CAST: variants seen among roughly 807,000 people sequenced by gnomAD.
CAST encodes MIR583 host.
Under a neutral mutation model 119.6 loss-of-function variants are expected in CAST, and 76 were observed. That is an observed-to-expected ratio of 0.64 (90% CI 0.53 to 0.77). The LOEUF is 0.77. Among genes scored for constraint, CAST ranks in the 30% least tolerant of loss-of-function variants. The pLI is 0.00. For missense variants in CAST, 953 were observed against 946.5 expected, an observed-to-expected ratio of 1.01 and a Z score of -0.09; for synonymous variants, 319 against 331.6, an observed-to-expected ratio of 0.96 and a Z score of 0.41.
the CAST span, chr5:96,397,439 T>C: frequency 6.2e-7 from 1 of 1,613,112 alleles, no homozygotes; most frequent in Non-Finnish European, 8.5e-7. Context: ...TGTATCCCGT[T>C]CTCTTTCAGC....
chr5:96,461,443 C>G, the CAST span, among the ~76,000 whole-genome samples: 1 of 152,048 alleles, frequency 6.6e-6, no homozygotes, highest in African/African-American at 2.4e-5. Flanking sequence ...GAACTGTTTC[C>G]ACAGCAGCTG....
intron 2 of CAST, among the ~76,000 whole-genome samples, chr5:96,682,486 A>G (rs1281747245): frequency 6.6e-6 from 1 of 152,046 alleles, no homozygotes; most frequent in African/African-American, 2.4e-5. Context: ...CTTGTTTCCT[A>G]TCAAGGATGT....
chr5:96,167,590 A>T, the CAST span, among the ~76,000 whole-genome samples: 3 of 152,162 alleles, frequency 2.0e-5, no homozygotes, highest in East Asian at 5.8e-4. Context: ...TTAAAAGACC[A>T]TTAGTTCACT....
chr5:96,429,243 A>T, the CAST span: 2 of 1,594,476 alleles, frequency 1.3e-6, no homozygotes, highest in Non-Finnish European at 1.7e-6. Context: ...TCTTAGTGAT[A>T]TGAAAGGCAC....
At chr5:96,139,470 G>T in the CAST span, among the ~76,000 whole-genome samples, 1 of 149,474 alleles carries the variant, frequency 6.7e-6, no homozygotes, top group Non-Finnish European at 1.5e-5. Context: ...GGGTAGTATA[G>T]CTTTCTCACA....
the CAST span, among the ~76,000 whole-genome samples, chr5:96,488,832 G>T: frequency 1.3e-5 from 2 of 152,138 alleles, no homozygotes; most frequent in African/African-American, 4.8e-5. Flanking sequence ...AATTAAAAAT[G>T]CTCATTTGGG....
chr5:96,260,601 G>A, the CAST span, among the ~76,000 whole-genome samples: 1 of 152,104 alleles, frequency 6.6e-6, no homozygotes, highest in Non-Finnish European at 1.5e-5. Context: ...CTTGTACAGT[G>A]CACAGACTGC....
At chr5:96,425,345 A>G in the CAST span, among the ~76,000 whole-genome samples, 2 of 152,220 alleles carry the variant, frequency 1.3e-5, no homozygotes, top group African/African-American at 2.4e-5. Context: ...GACATTTGCA[A>G]TAGACTTTTC....
chr5:96,381,925 A>G, the CAST span, among the ~76,000 whole-genome samples: 3 of 152,212 alleles, frequency 2.0e-5, no homozygotes, highest in African/African-American at 7.2e-5. Flanking sequence ...ACATAGAGTT[A>G]TATGGCATTC....
the CAST span, among the ~76,000 whole-genome samples, chr5:96,147,628 C>CAAAACA: frequency 6.6e-6 from 1 of 151,990 alleles, no homozygotes; most frequent in Non-Finnish European, 1.5e-5. Flanking sequence ...CAAAACAAAA[C>CAAAACA]AAAACAAAAA....
At chr5:96,319,907 A>T in the CAST span, among the ~76,000 whole-genome samples, 1 of 151,174 alleles carries the variant, frequency 6.6e-6, no homozygotes, top group Non-Finnish European at 1.5e-5. Flanking sequence ...AATTAATGAT[A>T]CCAGTGAGGA....
At chr5:96,435,169 TC>T in the CAST span, among the ~76,000 whole-genome samples, 74 of 152,334 alleles carry the variant, frequency 4.9e-4, no homozygotes, top group African/African-American at 1.6e-3. Context: ...GGTAGATGTG[TC>T]AGAGGAGGAA....
At chr5:96,199,813 A>G in the CAST span, among the ~76,000 whole-genome samples, 3 of 152,082 alleles carry the variant, frequency 2.0e-5, no homozygotes, top group East Asian at 5.8e-4. Context: ...ACCTTTCAAC[A>G]TATGTCAATA....
chr5:96,757,687 GT>G (rs369438033), intron 24 of CAST, 33 bp downstream of exon 24: 19,850 of 1,093,328 alleles, frequency 0.018, 63 homozygotes, highest in African/African-American at 0.058. Context: ...TATTTCTTTA[GT>G]TTTTTTTTTT....
chr5:96,701,902 A>G (rs1243441759), intron 3 of CAST, among the ~76,000 whole-genome samples: 4 of 152,176 alleles, frequency 2.6e-5, no homozygotes, highest in African/African-American at 9.7e-5. Flanking sequence ...TTTTTGACAG[A>G]AATAAAAGAC....
At position 96,762,361 on chromosome 5, in the gene CAST, C is replaced by T. The variant is rs1224971830; in HGVS notation, c.1921C>T (p.Arg641Cys). 1.3e-5 allele frequency: 21 copies of T among 1,594,984 alleles called. No homozygotes were observed. Among genetic ancestry groups the T allele is most frequent in the South Asian group, 1.1e-5 (1 of 87,874 alleles). ...ASTTQAGAPP[R>C]DTSQSDKDLD... ...AACGACCCAAGCTGGAGCCCCACCC[C>T]GTGATACCTCGGTAAGCAGCACATC... Residue 641 changes from arginine to cysteine, a missense_variant, in exon 25 of 32, where the codon CGT becomes TGT. Arg to Cys is a radical substitution (Grantham distance 180). Coordinates refer to ENST00000675179, the MANE Select transcript of CAST (RefSeq NM_001750.7).
At chr5:96,401,504 A>C in the CAST span, among the ~76,000 whole-genome samples, 1 of 152,200 alleles carries the variant, frequency 6.6e-6, no homozygotes. Context: ...TGAGTAAGGA[A>C]ATAGTAAAAT....
At chr5:96,353,494 A>G in the CAST span, among the ~76,000 whole-genome samples, 1 of 152,182 alleles carries the variant, frequency 6.6e-6, no homozygotes, top group African/African-American at 2.4e-5. Context: ...TGTGCACATG[A>G]GGGTGTTTTC....
At chr5:96,275,709 T>C in the CAST span, among the ~76,000 whole-genome samples, 1 of 152,198 alleles carries the variant, frequency 6.6e-6, no homozygotes, top group South Asian at 2.1e-4. Flanking sequence ...TTACCTAATT[T>C]ACATAGCCCA....
Sources: allele counts gnomAD v4.1 joint callset (sites outside exome capture counted in the v4.1 genomes callset), GRCh38; gene constraint gnomAD v4.1.1; transcripts MANE v1.5; gene names NCBI Gene and HGNC (gene_info 2026-07-23, HGNC 2026-07-21).